COL14A1: variants seen among roughly 807,000 people sequenced by gnomAD.
COL14A1 encodes collagen alpha-1(XIV) chain.
Under a neutral mutation model 230.3 loss-of-function variants are expected in COL14A1, and 136 were observed. The ratio of observed to expected loss-of-function variants is 0.59; its 90% CI spans 0.51 to 0.68. The LOEUF is 0.68. Ranked by LOEUF, COL14A1 falls within the 30% of genes least tolerant of loss-of-function variation. The probability of loss-of-function intolerance (pLI) is 0.00; values close to 1 mark genes in which losing one functional copy is unlikely to be tolerated. For synonymous variants in COL14A1, 792 were observed against 784.1 expected, an observed-to-expected ratio of 1.01 and a Z score of -0.17; for missense variants, 1,976 against 2,215.8, an observed-to-expected ratio of 0.89 and a Z score of 2.17.
intron 46 of COL14A1, 42 bp downstream of exon 46, chr8:120,367,290 T>C (rs777643886): frequency 6.7e-7 from 1 of 1,494,216 alleles, no homozygotes; most frequent in Non-Finnish European, 9.2e-7. Context: ...ATGTATATTT[T>C]TATATTCACT....
intron 40 of COL14A1, among the ~76,000 whole-genome samples, chr8:120,316,886 A>C (rs1337278461): frequency 7.9e-5 from 12 of 152,182 alleles, no homozygotes; most frequent in Admixed American, 7.9e-4. Flanking sequence ...GTGTGTGTTG[A>C]ATGCATGTGC....
intron 21 of COL14A1, among the ~76,000 whole-genome samples, chr8:120,250,023 T>C (rs1818889128): frequency 6.6e-6 from 1 of 152,190 alleles, no homozygotes; most frequent in East Asian, 1.9e-4. Flanking sequence ...TTTTAATGCT[T>C]CATTAAAGAC....
At chr8:120,295,712 A>G (rs1820506167) in intron 34 of COL14A1, among the ~76,000 whole-genome samples, 1 of 151,908 alleles carries the variant, frequency 6.6e-6, no homozygotes, top group Non-Finnish European at 1.5e-5. Flanking sequence ...TTTATTATTT[A>G]TAGCAACTAT....
intron 8 of COL14A1, among the ~76,000 whole-genome samples, chr8:120,201,303 AG>A (rs1186146631): frequency 6.6e-6 from 1 of 152,100 alleles, no homozygotes; most frequent in Non-Finnish European, 1.5e-5. Flanking sequence ...GTGCAGGAGG[AG>A]GTAGCTGTTA....
chr8:120,190,413 C>A (rs953832779), intron 5 of COL14A1, among the ~76,000 whole-genome samples: 21 of 152,124 alleles, frequency 1.4e-4, no homozygotes, highest in East Asian at 7.8e-4. Context: ...AGGATGCGAA[C>A]ATTTTCTCCC....
intron 21 of COL14A1, 71 bp from the exon 22 acceptor site, chr8:120,250,546 A>G: frequency 6.6e-7 from 1 of 1,522,420 alleles, no homozygotes; most frequent in Non-Finnish European, 9.1e-7. Context: ...AAGTGAATAC[A>G]ATTTGATCTA....
At chr8:120,127,883 G>C (rs1434159369) in intron 1 of COL14A1, among the ~76,000 whole-genome samples, 3 of 152,162 alleles carry the variant, frequency 2.0e-5, no homozygotes, top group Non-Finnish European at 4.4e-5. Context: ...CTGCATGATG[G>C]AGTGGTGCTG....
At chr8:120,290,534 C>T (rs949036633) in intron 34 of COL14A1, among the ~76,000 whole-genome samples, 5 of 152,206 alleles carry the variant, frequency 3.3e-5, no homozygotes, top group Non-Finnish European at 5.9e-5. Context: ...CTAATCTACA[C>T]TTCTCTTATG....
At chr8:120,292,800 C>G (rs894044399) in intron 34 of COL14A1, among the ~76,000 whole-genome samples, 1 of 152,040 alleles carries the variant, frequency 6.6e-6, no homozygotes, top group African/African-American at 2.4e-5. Flanking sequence ...TGGTGGAAGT[C>G]TAAACATTTA....
chr8:120,191,312 C>A (rs1221600962), intron 5 of COL14A1, among the ~76,000 whole-genome samples: 1 of 151,994 alleles, frequency 6.6e-6, no homozygotes, highest in Admixed American at 6.6e-5. Flanking sequence ...ACCCAGTAGT[C>A]ATTCAGGAGC....
At position 120,342,447 on chromosome 8, in the gene COL14A1, G is replaced by C; in HGVS notation, c.4888+1G>C. The C allele has an allele frequency of 6.2e-7, 1 of 1,613,676 alleles. No homozygotes were observed. The highest frequency in any genetic ancestry group is 1.3e-5 in the African/African-American group (1 of 75,026). On this transcript the variant is annotated splice_donor_variant, in intron 44 of 47. Coordinates refer to ENST00000297848, the MANE Select transcript of COL14A1 (RefSeq NM_021110.4). LOFTEE classifies it high-confidence loss of function. ...CAAGTATGCGAACAGCTCATCCAGAGTAAGTATGTAATGGTTACGGAGGAT... is the reference window on the plus strand; with the variant it reads ...CAAGTATGCGAACAGCTCATCCAGACTAAGTATGTAATGGTTACGGAGGAT...
chr8:120,258,739 T>G (rs1279593523), intron 23 of COL14A1, among the ~76,000 whole-genome samples: 1 of 152,186 alleles, frequency 6.6e-6, no homozygotes, highest in Non-Finnish European at 1.5e-5. Flanking sequence ...AATGATAGGT[T>G]TTTGGTTAAT....
intron 25 of COL14A1, among the ~76,000 whole-genome samples, chr8:120,269,108 T>G (rs184205673): frequency 5.3e-5 from 8 of 151,862 alleles, no homozygotes; most frequent in Non-Finnish European, 1.5e-5. Flanking sequence ...AGGTTTTTCT[T>G]AAAGAAAGGA....
At chr8:120,189,240 G>C (rs1157828470) in intron 5 of COL14A1, among the ~76,000 whole-genome samples, 2 of 152,178 alleles carry the variant, frequency 1.3e-5, no homozygotes, top group East Asian at 1.9e-4. Flanking sequence ...CATTGTACAT[G>C]TGTACCTTAT....
intron 2 of COL14A1, among the ~76,000 whole-genome samples, chr8:120,150,909 TG>T (rs1815258931): frequency 6.6e-6 from 1 of 151,698 alleles, no homozygotes; most frequent in Non-Finnish European, 1.5e-5. Flanking sequence ...GATATCAAAG[TG>T]GAAAGAGGTG....
chr8:120,124,902 G>A (rs866104490), upstream of COL14A1, among the ~76,000 whole-genome samples: 1 of 152,170 alleles, frequency 6.6e-6, no homozygotes. Flanking sequence ...CGCACCTGGG[G>A]GGACCGCCAG....
intron 23 of COL14A1, among the ~76,000 whole-genome samples, chr8:120,255,706 A>G (rs1819125530): frequency 6.6e-6 from 1 of 152,166 alleles, no homozygotes; most frequent in Non-Finnish European, 1.5e-5. Context: ...AGACTAGCAT[A>G]CATTAAAATT....
intron 42 of COL14A1, among the ~76,000 whole-genome samples, chr8:120,340,037 C>CAAAA (rs530829054): frequency 1.3e-5 from 1 of 77,706 alleles, no homozygotes; most frequent in Non-Finnish European, 2.5e-5. Context: ...GACTGCGTCT[C>CAAAA]AAAAAAAAAA....
At chr8:120,193,552 C>G (rs1816911066) in intron 5 of COL14A1, among the ~76,000 whole-genome samples, 1 of 152,170 alleles carries the variant, frequency 6.6e-6, no homozygotes, top group South Asian at 2.1e-4. Context: ...CAGCTGCATG[C>G]TGGGAGAACC....
Sources: allele counts gnomAD v4.1 joint callset (sites outside exome capture counted in the v4.1 genomes callset), GRCh38; gene constraint gnomAD v4.1.1; transcripts MANE v1.5; gene names NCBI Gene and HGNC (gene_info 2026-07-23, HGNC 2026-07-21).